Variants in FAM3B observed in about 807,000 individuals in gnomAD.
FAM3B encodes protein FAM3B.
Under a neutral mutation model 28.4 loss-of-function variants are expected in FAM3B, and 29 were observed. That is an observed-to-expected ratio of 1.02 (90% CI 0.76 to 1.39). FAM3B has a LOEUF of 1.39. Among genes scored for constraint, FAM3B ranks in the 40% most tolerant of loss-of-function variants. The probability of loss-of-function intolerance (pLI) is 0.00; values close to 1 mark genes in which losing one functional copy is unlikely to be tolerated. For missense variants in FAM3B, 266 were observed against 293.9 expected (o/e 0.91, Z 0.69); for synonymous variants, 91 against 103.0 (o/e 0.88, Z 0.71).
At chr21:41,323,205 G>A in intron 2 of FAM3B, 139 bp downstream of exon 2, 2 of 1,214,286 alleles carry the variant, frequency 1.6e-6, no homozygotes, top group Admixed American at 2.3e-5. Context: ...GCATTTTGCA[G>A]TTACTCATTT....
intron 7 of FAM3B, among the ~76,000 whole-genome samples, chr21:41,353,692 A>G (rs2145835615): frequency 6.6e-6 from 1 of 152,380 alleles, no homozygotes; most frequent in African/African-American, 2.4e-5. Flanking sequence ...GTAATGGCTA[A>G]CACTATTAAA....
chr21:41,342,910 A>G (rs56761575), intron 3 of FAM3B, among the ~76,000 whole-genome samples: 4,313 of 152,268 alleles, frequency 0.028, 193 homozygotes, highest in African/African-American at 0.097. Flanking sequence ...GTTTTTTAAA[A>G]AAATTGAGGC....
At chr21:41,322,848 G>T in intron 1 of FAM3B, 75 bp from the exon 2 acceptor site, 1 of 1,611,556 alleles carries the variant, frequency 6.2e-7, no homozygotes, top group African/African-American at 1.3e-5. Flanking sequence ...AAAAGCCACA[G>T]GGGGGATGGG....
chr21:41,333,014 G>GTA (rs945341512), intron 2 of FAM3B, among the ~76,000 whole-genome samples: 2 of 150,076 alleles, frequency 1.3e-5, no homozygotes, highest in African/African-American at 4.9e-5. Context: ...TTTTCTTGAT[G>GTA]TATAATCTTA....
At chr21:41,310,754 G>A (rs1014114437) in intron 1 of FAM3B, among the ~76,000 whole-genome samples, 4 of 152,116 alleles carry the variant, frequency 2.6e-5, no homozygotes, top group African/African-American at 9.7e-5. Context: ...CCTGATTCTG[G>A]ATAACATCAC....
At chr21:41,318,726 G>A (rs919509850) in intron 1 of FAM3B, among the ~76,000 whole-genome samples, 6 of 152,176 alleles carry the variant, frequency 3.9e-5, no homozygotes, top group South Asian at 2.1e-4. Context: ...CCCTGTCCTC[G>A]TTCAGGTTGA....
upstream of FAM3B, among the ~76,000 whole-genome samples, chr21:41,313,997 CAAAACA>C (rs760638999): frequency 1.3e-5 from 2 of 152,010 alleles, no homozygotes; most frequent in Non-Finnish European, 2.9e-5. Flanking sequence ...CCACCCCCAC[CAAAACA>C]AAAACAAAAA....
Position 41,357,116 on chromosome 21 carries a change from C to T in FAM3B, c.627C>T (p.His209=). 2 of 1,611,824 alleles carry T rather than the reference C, an allele frequency of 1.2e-6. No homozygotes were observed. Among genetic ancestry groups the T allele is most frequent in the South Asian group, 1.1e-5 (1 of 90,794 alleles). The stretch of plus-strand genomic sequence containing the variant: ...TTCTTTTCTCTACACAGATCAACCA[C>T]TCTGATGCTAAGAACAACAGATATT... ...PSEIQREKIN[H]SDAKNNRYSG... Residue 209 remains histidine, a synonymous_variant, in exon 8 of 8, where the codon CAC becomes CAT. Coordinates refer to ENST00000357985, the MANE Select transcript of FAM3B (RefSeq NM_058186.4).
chr21:41,330,774 TTC>T (rs1326519660), intron 2 of FAM3B, among the ~76,000 whole-genome samples: 2 of 152,224 alleles, frequency 1.3e-5, no homozygotes, highest in Admixed American at 1.3e-4. Context: ...CAAGATTTCC[TTC>T]TCTTTTAGGC....
chr21:41,322,791 A>T, intron 1 of FAM3B, 132 bp from the exon 2 acceptor site: 1 of 1,385,810 alleles, frequency 7.2e-7, no homozygotes, highest in South Asian at 1.2e-5. Flanking sequence ...GCCTCCTCCC[A>T]GGAGCACAGT....
chr21:41,309,152 C>G (rs1185894366), intron 1 of FAM3B, among the ~76,000 whole-genome samples: 1 of 152,208 alleles, frequency 6.6e-6, no homozygotes, highest in Non-Finnish European at 1.5e-5. Context: ...CCACACTGCT[C>G]AAGTGAGCAC....
chr21:41,332,740 A>T (rs945395168), intron 2 of FAM3B, among the ~76,000 whole-genome samples: 8 of 152,174 alleles, frequency 5.3e-5, no homozygotes, highest in African/African-American at 1.7e-4. Flanking sequence ...AATTGTCCAC[A>T]ATAGTCTCTT....
intron 2 of FAM3B, among the ~76,000 whole-genome samples, chr21:41,334,194 T>C (rs1331516367): frequency 6.6e-6 from 1 of 152,162 alleles, no homozygotes; most frequent in African/African-American, 2.4e-5. Context: ...AGCCTGGCCA[T>C]GTGGTAGAAA....
chr21:41,317,026 C>G (rs1185278153), intron 1 of FAM3B, 128 bp downstream of exon 1: 1 of 841,974 alleles, frequency 1.2e-6, no homozygotes, highest in Non-Finnish European at 1.6e-6. Context: ...TTCTTGGCGC[C>G]GAGGCTGGTC....
At chr21:41,355,181 G>C (rs556042368) in intron 7 of FAM3B, among the ~76,000 whole-genome samples, 1 of 152,326 alleles carries the variant, frequency 6.6e-6, no homozygotes, top group African/African-American at 2.4e-5. Flanking sequence ...AGAAGTGCTG[G>C]TGAGAATATG....
intron 7 of FAM3B, among the ~76,000 whole-genome samples, chr21:41,349,466 C>T (rs2089094482): frequency 6.6e-6 from 1 of 152,134 alleles, no homozygotes; most frequent in Admixed American, 6.5e-5. Flanking sequence ...CCCACTATAC[C>T]TTCTGAGGAT....
At chr21:41,345,630 A>T in intron 4 of FAM3B, 56 bp from the exon 5 acceptor site, 1 of 1,051,338 alleles carries the variant, frequency 9.5e-7, no homozygotes, top group Non-Finnish European at 1.4e-6. Flanking sequence ...CTGGTGCCAC[A>T]AGTGCGCCCT....
At chr21:41,304,520 C>G (rs925143279) in intron 1 of FAM3B, among the ~76,000 whole-genome samples, 3 of 152,218 alleles carry the variant, frequency 2.0e-5, no homozygotes, top group Admixed American at 6.5e-5. Flanking sequence ...AATTCTCAGC[C>G]CCTAGGAGAC....
intron 1 of FAM3B, among the ~76,000 whole-genome samples, chr21:41,317,593 TCTC>T: frequency 6.6e-6 from 1 of 151,916 alleles, no homozygotes; most frequent in African/African-American, 2.4e-5. Context: ...GTTTTGCGGG[TCTC>T]CTCCTATAAT....
Sources: allele counts gnomAD v4.1 joint callset (sites outside exome capture counted in the v4.1 genomes callset), GRCh38; gene constraint gnomAD v4.1.1; transcripts MANE v1.5; gene names NCBI Gene and HGNC (gene_info 2026-07-23, HGNC 2026-07-21).